Variants in PPARG observed in about 807,000 individuals in gnomAD.
PPARG encodes the protein peroxisome proliferator activated receptor gamma, also known as peroxisome proliferator-activated receptor gamma.
Under a neutral mutation model 39.2 loss-of-function variants are expected in PPARG, and 17 were observed. The observed-to-expected ratio is 0.43, with a 90% CI of 0.30 to 0.65. The LOEUF (loss-of-function observed/expected upper bound fraction) is 0.65, where lower values mean the gene tolerates loss of function less well. Among genes scored for constraint, PPARG ranks in the 30% least tolerant of loss-of-function variants. The pLI is 0.13. For missense variants in PPARG, 406 were observed against 585.9 expected, an observed-to-expected ratio of 0.69 and a Z score of 3.17; for synonymous variants, 223 against 215.7, an observed-to-expected ratio of 1.03 and a Z score of -0.30.
chr3:12,395,897 G>T (rs4135336), intron 5 of PPARG, among the ~76,000 whole-genome samples: 2 of 152,040 alleles, frequency 1.3e-5, no homozygotes, highest in Non-Finnish European at 2.9e-5. Context: ...GCCACTCAGC[G>T]GTGTATGTAA....
chr3:12,302,952 A>C (rs890404376), intron 1 of PPARG, among the ~76,000 whole-genome samples: 2 of 152,206 alleles, frequency 1.3e-5, no homozygotes, highest in African/African-American at 4.8e-5. Context: ...ATGATGCTCA[A>C]AGTGTGGTCC....
At chr3:12,291,964 A>G (rs1485415099) in intron 1 of PPARG, among the ~76,000 whole-genome samples, 1 of 152,190 alleles carries the variant, frequency 6.6e-6, no homozygotes, top group African/African-American at 2.4e-5. Context: ...AAATGATGTG[A>G]CCATGACCCT....
At chr3:12,346,628 T>C (rs1025866102) in intron 2 of PPARG, among the ~76,000 whole-genome samples, 1 of 151,926 alleles carries the variant, frequency 6.6e-6, no homozygotes, top group Admixed American at 6.6e-5. Flanking sequence ...ATACATTTAC[T>C]GGAGTTATTG....
Position 12,401,151 on chromosome 3 carries a change from C to G in PPARG, c.530-4731C>G, listed in dbSNP as rs553235559. ...ATCTTCTATTTCTAAGGTCTGACTTCAGTCTTTCAGGAAACACCTCCCAAC... is the reference window on the plus strand; with the variant it reads ...ATCTTCTATTTCTAAGGTCTGACTTGAGTCTTTCAGGAAACACCTCCCAAC... On this transcript the variant is annotated intron_variant, in intron 5 of 7. Transcript: ENST00000651735. Among the ~76,000 whole-genome samples the G allele has an allele frequency of 1.5e-3, 223 of 152,312 alleles. 1 individual carries two copies. Among genetic ancestry groups the G allele is most frequent in the Admixed American group, 6.5e-3 (99 of 15,300 alleles).
At chr3:12,430,181 A>G (rs1364241874) in intron 7 of PPARG, among the ~76,000 whole-genome samples, 1 of 147,874 alleles carries the variant, frequency 6.8e-6, no homozygotes, top group East Asian at 1.9e-4. Flanking sequence ...GACACAGGAA[A>G]ACATCGTTTA....
intron 2 of PPARG, among the ~76,000 whole-genome samples, chr3:12,367,927 A>G (rs2049069560): frequency 6.6e-6 from 1 of 151,628 alleles, no homozygotes; most frequent in African/African-American, 2.4e-5. Flanking sequence ...GGTCTTTCTA[A>G]TACCCTTTGT....
At position 12,433,941 on chromosome 3, in the gene PPARG, A is replaced by G. The variant is rs28763894; in HGVS notation, c.1224A>G (p.Gln408=). Residue 408 remains glutamine, a synonymous_variant, in exon 8 of 8, where the codon CAA becomes CAG. Coordinates refer to ENST00000651735, the MANE Select transcript of PPARG (RefSeq NM_138711.6). ...LLNVKPIEDI[Q]DNLLQALELQ... The stretch of plus-strand genomic sequence containing the variant: ...ATGTGAAGCCCATTGAAGACATTCA[A>G]GACAACCTGCTACAAGCCCTGGAGC... 4.2e-5 allele frequency: 68 copies of G among 1,614,204 alleles called. No individual in the cohort carries two copies. The East Asian group carries it at 1.5e-3, about 36-fold the overall frequency.
At chr3:12,432,222 CATT>C (rs1054505343) in intron 7 of PPARG, among the ~76,000 whole-genome samples, 1 of 152,156 alleles carries the variant, frequency 6.6e-6, no homozygotes, top group Non-Finnish European at 1.5e-5. Flanking sequence ...GGCTAGTTAA[CATT>C]GTTACTAAAA....
intron 2 of PPARG, among the ~76,000 whole-genome samples, chr3:12,314,978 A>T (rs1009137303): frequency 6.6e-6 from 1 of 152,268 alleles, no homozygotes; most frequent in Admixed American, 6.5e-5. Flanking sequence ...AGCATTCAAA[A>T]TCTGCTCTTC....
At chr3:12,331,481 G>A (rs2047857899) in intron 2 of PPARG, among the ~76,000 whole-genome samples, 1 of 152,162 alleles carries the variant, frequency 6.6e-6, no homozygotes. Context: ...GCAAGAACTA[G>A]GTTATTCAGG....
intron 7 of PPARG, among the ~76,000 whole-genome samples, chr3:12,425,362 G>A (rs955453354): frequency 6.6e-6 from 1 of 152,192 alleles, no homozygotes; most frequent in South Asian, 2.1e-4. Context: ...GGAGGACAGC[G>A]GGGGAGTGGA....
At chr3:12,298,628 A>G (rs538794308) in intron 1 of PPARG, among the ~76,000 whole-genome samples, 1 of 152,302 alleles carries the variant, frequency 6.6e-6, no homozygotes, top group African/African-American at 2.4e-5. Context: ...CTTTTTAGAA[A>G]TTTCATATCA....
At chr3:12,383,661 G>A (rs1007810335) in intron 4 of PPARG, among the ~76,000 whole-genome samples, 15 of 152,080 alleles carry the variant, frequency 9.9e-5, no homozygotes, top group African/African-American at 3.4e-4. Context: ...AAAGCACTTA[G>A]AAAACTAAAA....
intron 1 of PPARG, chr3:12,297,817 A>T (rs1407986200): frequency 6.6e-6 from 1 of 151,674 alleles, no homozygotes; most frequent in Non-Finnish European, 1.5e-5. Context: ...TTTTTTTCTA[A>T]TTTTTTTCTA....
intron 2 of PPARG, among the ~76,000 whole-genome samples, chr3:12,375,425 T>A (rs2049372443): frequency 6.6e-6 from 1 of 152,244 alleles, no homozygotes; most frequent in South Asian, 2.1e-4. Flanking sequence ...CCAGTATTCA[T>A]ACAAAAGCAT....
At chr3:12,416,658 G>C (rs1466387891) in intron 6 of PPARG, 46 bp from the exon 7 acceptor site, 1 of 1,566,188 alleles carries the variant, frequency 6.4e-7, no homozygotes, top group Non-Finnish European at 8.7e-7. Context: ...TTCACTGTGA[G>C]TTAGAAATCT....
rs1240742379 is a variant in PPARG, at chr3:12,417,033, C to G, written c.1059C>G (p.Ser353Arg). The change falls in exon 7 of 8, where the codon AGC (serine) becomes AGG (arginine). Residue 353 changes from serine (S) to arginine (R), a missense_variant. Physicochemically the swap from Ser to Arg is moderately radical, Grantham distance 110 (BLOSUM62 -1). Transcript: ENST00000651735. ...QGFMTREFLK[S>R]LRKPFGDFME... ...TCATGACAAGGGAGTTTCTAAAGAG[C>G]CTGCGAAAGCCTTTTGGTGACTTTA... The G allele has an allele frequency of 8.1e-6, 13 of 1,612,840 alleles. No individual in the cohort carries two copies. Among genetic ancestry groups the G allele is most frequent in the Non-Finnish European group, 1.1e-5 (13 of 1,179,202 alleles).
At chr3:12,355,934 A>G (rs1474379718) in intron 2 of PPARG, among the ~76,000 whole-genome samples, 1 of 152,228 alleles carries the variant, frequency 6.6e-6, no homozygotes, top group Non-Finnish European at 1.5e-5. Flanking sequence ...TAACTCTGTT[A>G]GGATAATCCT....
intron 2 of PPARG, among the ~76,000 whole-genome samples, chr3:12,377,746 A>G (rs370922160): frequency 8.5e-5 from 13 of 152,324 alleles, no homozygotes; most frequent in African/African-American, 1.9e-4. Flanking sequence ...AAAAACAATC[A>G]TTAACAGATT....
Sources: allele counts gnomAD v4.1 joint callset (sites outside exome capture counted in the v4.1 genomes callset), GRCh38; gene constraint gnomAD v4.1.1; transcripts MANE v1.5; gene names NCBI Gene and HGNC (gene_info 2026-07-23, HGNC 2026-07-21).